Variants in MYO16 observed in about 807,000 individuals in gnomAD.
MYO16 encodes myosin XVI.
MYO16 carries 94 observed loss-of-function variants against 205.3 expected under a neutral mutation model. The ratio of observed to expected loss-of-function variants is 0.46; its 90% confidence interval spans 0.39 to 0.54. MYO16 has a LOEUF of 0.54. Among genes scored for constraint, MYO16 ranks in the 20% least tolerant of loss-of-function variants. The pLI, the probability that MYO16 is intolerant of heterozygous loss-of-function variation, is 0.00. For synonymous variants in MYO16, 988 were observed against 954.0 expected, an observed-to-expected ratio of 1.04 and a Z score of -0.66; for missense variants, 2,315 against 2,387.5, an observed-to-expected ratio of 0.97 and a Z score of 0.63.
At position 108,814,567 on chromosome 13, in the gene MYO16, T is replaced by C. The variant is rs139913574; in HGVS notation, c.868-5770T>C. On this transcript the variant is annotated intron_variant, in intron 7 of 34. Transcript: ENST00000457511. ...GGGAACCTACAATATATATTTTATC[T>C]TTCAGATTTAAAGATAGCTTCTCTT... 3.8e-3 allele frequency among the ~76,000 whole-genome samples: 574 copies of C among 152,318 alleles called. 2 individuals are homozygous for C. The highest frequency in any genetic ancestry group is 7.5e-3 in the Admixed American group (114 of 15,288).
chr13:108,662,543 G>A (rs1881549435), intron 1 of MYO16, among the ~76,000 whole-genome samples: 1 of 152,078 alleles, frequency 6.6e-6, no homozygotes, highest in African/African-American at 2.4e-5. Flanking sequence ...GTTGAGTCAT[G>A]CAGGTTGTCA....
chr13:109,159,074 A>G (rs1272435021), intron 32 of MYO16, among the ~76,000 whole-genome samples: 2 of 152,222 alleles, frequency 1.3e-5, no homozygotes, highest in African/African-American at 2.4e-5. Context: ...TTAAAAAACT[A>G]TGTATGGACC....
chr13:109,093,553 A>G (rs2139695462), intron 27 of MYO16, among the ~76,000 whole-genome samples: 1 of 152,258 alleles, frequency 6.6e-6, no homozygotes, highest in African/African-American at 2.4e-5. Flanking sequence ...CCTGTTAAAT[A>G]GCATTAGTCT....
chr13:108,788,219 A>G (rs1004243299), intron 5 of MYO16, among the ~76,000 whole-genome samples: 2 of 152,142 alleles, frequency 1.3e-5, no homozygotes, highest in Non-Finnish European at 2.9e-5. Context: ...AGTTGATTAC[A>G]TGGAAACTCG....
At chr13:108,569,429 GA>G in the MYO16 span, among the ~76,000 whole-genome samples, 1 of 151,968 alleles carries the variant, frequency 6.6e-6, no homozygotes, top group South Asian at 2.1e-4. Context: ...GTTGCCAATG[GA>G]ATTGCTTTTT....
intron 34 of MYO16, among the ~76,000 whole-genome samples, chr13:109,195,632 A>G (rs1183255874): frequency 4.6e-5 from 7 of 152,218 alleles, no homozygotes; most frequent in Non-Finnish European, 8.8e-5. Context: ...CTATTCAGTC[A>G]GCCAAGACAT....
intron 12 of MYO16, among the ~76,000 whole-genome samples, chr13:108,880,622 C>A (rs1879566283): frequency 6.6e-6 from 1 of 152,154 alleles, no homozygotes; most frequent in Admixed American, 6.5e-5. Flanking sequence ...AATAGGGAAT[C>A]CTTTCCCCAT....
chr13:108,716,517 C>T (rs1883951024), intron 3 of MYO16, among the ~76,000 whole-genome samples: 1 of 152,042 alleles, frequency 6.6e-6, no homozygotes, highest in Non-Finnish European at 1.5e-5. Context: ...CTGGGGTTAC[C>T]AAATAAATAA....
In MYO16 at chr13:108,744,877, CA is replaced by C. The variant is rs2139621142; in HGVS notation, c.507+17295del. Among the ~76,000 whole-genome samples, 3 of 152,234 alleles carry C rather than the reference CA, an allele frequency of 2.0e-5. No homozygotes were observed. In the South Asian group the frequency reaches 6.2e-4, roughly 32 times the overall value. On this transcript the variant is annotated intron_variant, in intron 4 of 34. Coordinates refer to ENST00000457511, the MANE Select transcript of MYO16 (RefSeq NM_001198950.3). The stretch of plus-strand genomic sequence containing the variant: ...GTTTTTAGTTTTTGATTTTATAAAT[CA>C]GCTACTACTTAAACCTTACCATCAC...
the MYO16 span, among the ~76,000 whole-genome samples, chr13:108,572,161 A>C: frequency 6.6e-6 from 1 of 152,044 alleles, no homozygotes; most frequent in Non-Finnish European, 1.5e-5. Context: ...TCCTGCCCTC[A>C]AGTGACTCTC....
intron 4 of MYO16, among the ~76,000 whole-genome samples, chr13:108,773,270 C>T (rs1358907016): frequency 6.6e-6 from 1 of 152,090 alleles, no homozygotes; most frequent in East Asian, 1.9e-4. Flanking sequence ...AACATATAGT[C>T]CGTTGTATTA....
chr13:108,747,344 A>G (rs759504899), intron 4 of MYO16, among the ~76,000 whole-genome samples: 5 of 152,184 alleles, frequency 3.3e-5, no homozygotes, highest in Admixed American at 2.6e-4. Flanking sequence ...TTGGGTTATT[A>G]TAGCGTAAGG....
At chr13:108,869,731 T>G (rs1238431089) in intron 12 of MYO16, among the ~76,000 whole-genome samples, 2 of 67,024 alleles carry the variant, frequency 3.0e-5, no homozygotes, top group African/African-American at 7.0e-5. Context: ...ACTCCGTTTC[T>G]AAAAAAAAAA....
chr13:108,927,037 C>G (rs138468759), intron 16 of MYO16, among the ~76,000 whole-genome samples: 5 of 152,150 alleles, frequency 3.3e-5, no homozygotes, highest in Non-Finnish European at 4.4e-5. Flanking sequence ...AAGGTACACA[C>G]GTGGCCCTCA....
At chr13:108,542,495 T>C in the MYO16 span, among the ~76,000 whole-genome samples, 1 of 152,146 alleles carries the variant, frequency 6.6e-6, no homozygotes, top group Non-Finnish European at 1.5e-5. Flanking sequence ...TTTTTAAAAA[T>C]AAATAGTTAC....
intron 16 of MYO16, among the ~76,000 whole-genome samples, chr13:108,929,238 T>C (rs11616665): frequency 0.046 from 6,971 of 152,304 alleles, 307 homozygotes; most frequent in Admixed American, 0.13. Flanking sequence ...CAAAATTGTT[T>C]AAACCATTAC....
upstream of MYO16, among the ~76,000 whole-genome samples, chr13:108,591,170 C>T (rs890934584): frequency 8.5e-5 from 13 of 152,160 alleles, no homozygotes; most frequent in East Asian, 2.3e-3. Flanking sequence ...TACCTGCATT[C>T]GAAAAAGATC....
intron 14 of MYO16, among the ~76,000 whole-genome samples, chr13:108,897,774 G>A (rs1880500604): frequency 2.0e-5 from 3 of 152,116 alleles, no homozygotes; most frequent in South Asian, 4.1e-4. Flanking sequence ...GTGCAGGAGA[G>A]TGCAGTGTCG....
chr13:108,907,499 C>A (rs1881046355), intron 15 of MYO16, among the ~76,000 whole-genome samples: 1 of 152,128 alleles, frequency 6.6e-6, no homozygotes, highest in African/African-American at 2.4e-5. Flanking sequence ...CTTAGAAGCC[C>A]ATCATACTCC....
Sources: allele counts gnomAD v4.1 joint callset (sites outside exome capture counted in the v4.1 genomes callset), GRCh38; gene constraint gnomAD v4.1.1; transcripts MANE v1.5; gene names NCBI Gene and HGNC (gene_info 2026-07-23, HGNC 2026-07-21).